Variants in GRIA4 observed in about 807,000 individuals in gnomAD.
GRIA4 encodes the protein glutamate receptor 4.
Under a neutral mutation model 104.0 loss-of-function variants are expected in GRIA4, and 34 were observed. The ratio of observed to expected loss-of-function variants is 0.33; its 90% CI spans 0.25 to 0.44. GRIA4 has a LOEUF of 0.44. GRIA4 is among the 20% of genes least tolerant of loss of function. GRIA4 has a pLI of 1.00. For missense variants in GRIA4, 750 were observed against 1,096.5 expected (o/e 0.68, Z 4.46); for synonymous variants, 386 against 381.9 (o/e 1.01, Z -0.13).
chr11:105,713,817 T>C (rs527391015), intron 3 of GRIA4, among the ~76,000 whole-genome samples: 16 of 152,288 alleles, frequency 1.1e-4, no homozygotes, highest in South Asian at 4.1e-4. Context: ...CTTGAGGCCA[T>C]TGAAGTAACA....
In GRIA4 at chr11:105,686,867, G is replaced by A. The variant is rs184909366; in HGVS notation, c.248-66114G>A. ...TTTCATGTTTGTTGGCTGCCATTTT[G>A]TCATCTTTTGAGAAGTGTCTGTTCA... On this transcript the variant is annotated intron_variant, in intron 3 of 16. Transcript: ENST00000282499. 1.8e-3 allele frequency among the ~76,000 whole-genome samples: 267 copies of A among 152,198 alleles called. 1 individual carries two copies. Among genetic ancestry groups the A allele is most frequent in the African/African-American group, 6.2e-3 (257 of 41,540 alleles).
intron 4 of GRIA4, among the ~76,000 whole-genome samples, chr11:105,755,513 G>A (rs1396225377): frequency 6.6e-6 from 1 of 152,056 alleles, no homozygotes; most frequent in Admixed American, 6.6e-5. Flanking sequence ...GAGTAGCTAA[G>A]CAACATGATT....
At chr11:105,704,765 G>A (rs1358754592) in intron 3 of GRIA4, among the ~76,000 whole-genome samples, 3 of 152,084 alleles carry the variant, frequency 2.0e-5, no homozygotes, top group Non-Finnish European at 2.9e-5. Context: ...AGATGCAAAA[G>A]TAGACTCGAA....
At chr11:105,673,812 C>CAAAAT (rs1249619988) in intron 3 of GRIA4, among the ~76,000 whole-genome samples, 1 of 151,734 alleles carries the variant, frequency 6.6e-6, no homozygotes, top group African/African-American at 2.4e-5. Flanking sequence ...ATTTAAAACA[C>CAAAAT]AAAATGTATA....
intron 3 of GRIA4, among the ~76,000 whole-genome samples, chr11:105,646,429 C>A (rs137928741): frequency 6.9e-4 from 105 of 152,120 alleles, no homozygotes; most frequent in African/African-American, 2.3e-3. Context: ...TCTGTCTCTA[C>A]AAATAGTTAA....
intron 3 of GRIA4, among the ~76,000 whole-genome samples, chr11:105,643,138 G>A (rs1038424221): frequency 4.6e-5 from 7 of 152,122 alleles, no homozygotes; most frequent in Non-Finnish European, 1.0e-4. Context: ...CATGACAAGT[G>A]GAGATTATGG....
chr11:105,720,060 T>G (rs904582547), intron 3 of GRIA4, among the ~76,000 whole-genome samples: 3 of 151,866 alleles, frequency 2.0e-5, no homozygotes, highest in Non-Finnish European at 4.4e-5. Context: ...CTCTTCTGCT[T>G]GTCTGCATTC....
At position 105,981,854 on chromosome 11, in the gene GRIA4, G is replaced by A. The variant is rs1167957637; in HGVS notation, c.*2115G>A. 1 of 152,634 alleles carries A rather than the reference G, an allele frequency of 6.6e-6. No homozygotes were observed. Among genetic ancestry groups the A allele is most frequent in the Non-Finnish European group, 1.5e-5 (1 of 68,140 alleles). The allele number at this position is 152,634 out of a possible 1,614,324, so 9.5% of individuals were successfully genotyped here. On this transcript the variant is annotated 3_prime_UTR_variant, in exon 17 of 17. Coordinates refer to ENST00000282499, the MANE Select transcript of GRIA4 (RefSeq NM_000829.4). ...TTACTTACCCTGAAAAGATTTCCAT[G>A]GCTATCCACCACCCCCCTGCCTGTG...
chr11:105,908,404 C>T (rs1256117599), intron 9 of GRIA4, among the ~76,000 whole-genome samples: 5 of 151,994 alleles, frequency 3.3e-5, no homozygotes, highest in East Asian at 1.9e-4. Context: ...AAATGCAAAA[C>T]GCTGTGAAGA....
chr11:105,689,175 G>T (rs544431130), intron 3 of GRIA4, among the ~76,000 whole-genome samples: 27 of 152,194 alleles, frequency 1.8e-4, no homozygotes, highest in African/African-American at 6.5e-4. Context: ...CATGACCCTG[G>T]TTATTTGAAG....
chr11:105,881,438 T>C (rs1946054284), intron 5 of GRIA4, among the ~76,000 whole-genome samples: 1 of 152,174 alleles, frequency 6.6e-6, no homozygotes, highest in South Asian at 2.1e-4. Flanking sequence ...GTGTCTATTA[T>C]GGTGAGTGAC....
chr11:105,924,331 C>T (rs993780207), intron 11 of GRIA4, 68 bp from the exon 12 acceptor site: 142 of 1,180,836 alleles, frequency 1.2e-4, no homozygotes, highest in Non-Finnish European at 1.6e-4. Context: ...TTAAATGGAT[C>T]ATTCCAGTGC....
At chr11:105,788,275 G>C (rs904473294) in intron 4 of GRIA4, among the ~76,000 whole-genome samples, 1 of 151,990 alleles carries the variant, frequency 6.6e-6, no homozygotes, top group Non-Finnish European at 1.5e-5. Context: ...TGGAGAAAAA[G>C]GTATGCTTAT....
chr11:105,779,626 A>G (rs1372095310), intron 4 of GRIA4, among the ~76,000 whole-genome samples: 1 of 151,750 alleles, frequency 6.6e-6, no homozygotes, highest in Non-Finnish European at 1.5e-5. Flanking sequence ...CTAAAACTTA[A>G]AAGTATAATA....
intron 13 of GRIA4, among the ~76,000 whole-genome samples, chr11:105,928,526 C>T (rs185061902): frequency 6.6e-6 from 1 of 151,038 alleles, no homozygotes; most frequent in African/African-American, 2.4e-5. Flanking sequence ...ACCGTGCTGC[C>T]GGTTTATAAC....
intron 14 of GRIA4, among the ~76,000 whole-genome samples, chr11:105,961,754 C>T (rs602637): frequency 0.65 from 98,484 of 152,044 alleles, 31,923 homozygotes; most frequent in Middle Eastern, 0.72. Context: ...ATTAGGGATA[C>T]TCAATTAGTA....
intron 7 of GRIA4, 67 bp downstream of exon 7, chr11:105,898,494 A>G (rs181507618): frequency 1.0e-6 from 1 of 991,080 alleles, no homozygotes; most frequent in Admixed American, 2.5e-5. Flanking sequence ...AGTTTATTAT[A>G]CAGTTTTTCC....
intron 14 of GRIA4, among the ~76,000 whole-genome samples, chr11:105,945,146 G>A (rs1388276257): frequency 2.6e-5 from 4 of 152,036 alleles, no homozygotes; most frequent in Non-Finnish European, 5.9e-5. Context: ...TGCCCACCAT[G>A]ATGCGCCCTC....
rs891790643 is a variant in GRIA4, at chr11:105,863,811, G to T, written c.672+1603G>T. Among the ~76,000 whole-genome samples, 16 of 152,298 alleles carry T rather than the reference G, an allele frequency of 1.1e-4. No homozygotes were observed. In the East Asian group the frequency reaches 2.9e-3, roughly 28 times the overall value. ...ACCTGTGCTTAAAAGACCAAGTCTG[G>T]AGGAGGCAATTGAGTGCCTAAAGCA... On this transcript the variant is annotated intron_variant, in intron 5 of 16. Coordinates refer to ENST00000282499, the MANE Select transcript of GRIA4 (RefSeq NM_000829.4).
Sources: allele counts gnomAD v4.1 joint callset (sites outside exome capture counted in the v4.1 genomes callset), GRCh38; gene constraint gnomAD v4.1.1; transcripts MANE v1.5; gene names NCBI Gene and HGNC (gene_info 2026-07-23, HGNC 2026-07-21).